The following SLC22A3 variants were observed in gnomAD, a reference collection of about 807,000 sequenced individuals.
The protein encoded by SLC22A3 is EMT organic cation transporter 3.
In SLC22A3, 51 loss-of-function variants were observed where a neutral mutation model predicts 59.1. That is an observed-to-expected ratio of 0.86 (90% confidence interval 0.69 to 1.09). The LOEUF (loss-of-function observed/expected upper bound fraction) is 1.09. Among genes scored for constraint, SLC22A3 ranks in the 50% least tolerant of loss-of-function variants. The pLI is 0.00. For synonymous variants in SLC22A3, 325 were observed against 292.0 expected (o/e 1.11, Z -1.15); for missense variants, 711 against 726.3 (o/e 0.98, Z 0.24).
intron 1 of SLC22A3, among the ~76,000 whole-genome samples, chr6:160,390,784 T>C (rs113559116): frequency 0.011 from 1,701 of 152,324 alleles, 39 homozygotes; most frequent in African/African-American, 0.038. Flanking sequence ...CTAGGGCTGA[T>C]GAAACAATAT....
chr6:160,354,474 C>A (rs927720273), intron 1 of SLC22A3, among the ~76,000 whole-genome samples: 1 of 152,080 alleles, frequency 6.6e-6, no homozygotes, highest in Non-Finnish European at 1.5e-5. Context: ...CCAGATTTGA[C>A]CCTGGAGCTG....
At chr6:160,385,021 C>G (rs569084412) in intron 1 of SLC22A3, among the ~76,000 whole-genome samples, 1 of 152,358 alleles carries the variant, frequency 6.6e-6, no homozygotes, top group East Asian at 1.9e-4. Context: ...GGGCAGCTCC[C>G]TGCCTCCCAG....
At chr6:160,362,693 G>A (rs963705895) in intron 1 of SLC22A3, among the ~76,000 whole-genome samples, 1 of 152,238 alleles carries the variant, frequency 6.6e-6, no homozygotes, top group Admixed American at 6.5e-5. Context: ...ACGGTGCGGA[G>A]GGGGAGAGGA....
chr6:160,378,178 G>A (rs1785665784), intron 1 of SLC22A3, among the ~76,000 whole-genome samples: 1 of 152,172 alleles, frequency 6.6e-6, no homozygotes, highest in African/African-American at 2.4e-5. Flanking sequence ...CAAAAATATG[G>A]TAGTAGAATT....
chr6:160,414,100 T>C (rs1339468871), intron 5 of SLC22A3, among the ~76,000 whole-genome samples: 1 of 152,202 alleles, frequency 6.6e-6, no homozygotes, highest in Non-Finnish European at 1.5e-5. Context: ...ATCTAGAGCT[T>C]AATCAAGTTC....
intron 1 of SLC22A3, 118 bp downstream of exon 1, chr6:160,348,966 C>T: frequency 3.3e-6 from 5 of 1,523,674 alleles, no homozygotes; most frequent in East Asian, 2.5e-5. Context: ...GGGGACCGGT[C>T]GGCTACCTCT....
At chr6:160,353,596 G>A (rs1359190899) in intron 1 of SLC22A3, among the ~76,000 whole-genome samples, 2 of 152,070 alleles carry the variant, frequency 1.3e-5, no homozygotes, top group African/African-American at 4.8e-5. Flanking sequence ...AAATATGAGG[G>A]AAAAGATGTT....
At chr6:160,443,991 A>T (rs531656686) in intron 9 of SLC22A3, among the ~76,000 whole-genome samples, 2 of 152,332 alleles carry the variant, frequency 1.3e-5, no homozygotes, top group South Asian at 4.1e-4. Context: ...ATAATGTTCA[A>T]TTAGCATTCT....
At chr6:160,402,733 A>G (rs1306175150) in intron 2 of SLC22A3, among the ~76,000 whole-genome samples, 1 of 151,868 alleles carries the variant, frequency 6.6e-6, no homozygotes, top group East Asian at 1.9e-4. Flanking sequence ...CTAGAAATTC[A>G]TAACAGAAGG....
chr6:160,436,825 C>T lies in SLC22A3; in HGVS notation c.1021C>T (p.Leu341=), dbSNP rs1289040688. Residue 341 remains leucine, a synonymous_variant, in exon 6 of 11, where the codon CTG becomes TTG. Transcript: ENST00000275300. The stretch of plus-strand genomic sequence containing the variant: ...AGTTAGTAATCCATCCTTTTTAGAT[C>T]TGGTGAGAACTCCCCAAATGAGGAA... The part of the protein sequence containing the change: ...EEVSNPSFLD[L]VRTPQMRKCT... 6.2e-7 allele frequency: 1 copy of T among 1,613,290 alleles called. No homozygotes were observed. Among genetic ancestry groups the T allele is most frequent in the East Asian group, 2.2e-5 (1 of 44,854 alleles).
At position 160,389,747 on chromosome 6, in the gene SLC22A3, G is replaced by T. The variant is rs149175872; in HGVS notation, c.430-8232G>T. 1.2e-3 allele frequency among the ~76,000 whole-genome samples: 177 copies of T among 152,310 alleles called. 3 individuals are homozygous for T. The highest frequency in any genetic ancestry group is 7.4e-3 in the Admixed American group (114 of 15,306). On this transcript the variant is annotated intron_variant, in intron 1 of 10. Coordinates refer to ENST00000275300, the MANE Select transcript of SLC22A3 (RefSeq NM_021977.4). ...GGCTTAGCACTCTTCTCTCTTAGTGGAAGGGAAACCCTGGTAGTGCCAGGT... is the reference window on the plus strand; with the variant it reads ...GGCTTAGCACTCTTCTCTCTTAGTGTAAGGGAAACCCTGGTAGTGCCAGGT...
chr6:160,358,241 C>T (rs1201842214), intron 1 of SLC22A3, among the ~76,000 whole-genome samples: 1 of 152,188 alleles, frequency 6.6e-6, no homozygotes, highest in Non-Finnish European at 1.5e-5. Flanking sequence ...GGTTTTTGAG[C>T]TCTGGACTAG....
chr6:160,357,216 C>T (rs935900712), intron 1 of SLC22A3, among the ~76,000 whole-genome samples: 1 of 152,220 alleles, frequency 6.6e-6, no homozygotes, highest in Admixed American at 6.5e-5. Context: ...CAGGTGACCT[C>T]TGTCATAGGA....
chr6:160,378,642 C>T (rs1166453182), intron 1 of SLC22A3, among the ~76,000 whole-genome samples: 1 of 152,160 alleles, frequency 6.6e-6, no homozygotes, highest in Non-Finnish European at 1.5e-5. Flanking sequence ...TCCAGATACA[C>T]CCATTGTTAA....
intron 1 of SLC22A3, among the ~76,000 whole-genome samples, chr6:160,367,269 A>G (rs1007677557): frequency 1.3e-5 from 2 of 152,094 alleles, no homozygotes; most frequent in African/African-American, 4.8e-5. Flanking sequence ...GAAGGGGGAA[A>G]AGCTCCTTAG....
At chr6:160,374,181 T>C (rs1262393260) in intron 1 of SLC22A3, among the ~76,000 whole-genome samples, 1 of 152,152 alleles carries the variant, frequency 6.6e-6, no homozygotes, top group Non-Finnish European at 1.5e-5. Flanking sequence ...GTGAAGACCA[T>C]GGGAAAAGTG....
At chr6:160,389,941 T>C (rs1786182899) in intron 1 of SLC22A3, among the ~76,000 whole-genome samples, 2 of 152,186 alleles carry the variant, frequency 1.3e-5, no homozygotes, top group Non-Finnish European at 2.9e-5. Flanking sequence ...TGGGATTCTG[T>C]GTGGGTCTCA....
intron 7 of SLC22A3, among the ~76,000 whole-genome samples, chr6:160,441,059 TG>T (rs1788519053): frequency 6.6e-6 from 1 of 152,180 alleles, no homozygotes. Context: ...AATTTGTCGG[TG>T]GGACTCAATT....
intron 5 of SLC22A3, among the ~76,000 whole-genome samples, chr6:160,427,189 G>A (rs1787994019): frequency 6.6e-6 from 1 of 152,164 alleles, no homozygotes; most frequent in Non-Finnish European, 1.5e-5. Flanking sequence ...TGAGGGCAAC[G>A]CAGAGACCCC....
Sources: allele counts gnomAD v4.1 joint callset (sites outside exome capture counted in the v4.1 genomes callset), GRCh38; gene constraint gnomAD v4.1.1; transcripts MANE v1.5; gene names NCBI Gene and HGNC (gene_info 2026-07-23, HGNC 2026-07-21).